BBX: variants seen among roughly 807,000 people sequenced by gnomAD.
BBX encodes HMG box transcription factor BBX.
In BBX, 30 loss-of-function variants were observed where a neutral mutation model predicts 100.2. The ratio of observed to expected loss-of-function variants is 0.30; its 90% confidence interval spans 0.22 to 0.41. The LOEUF (loss-of-function observed/expected upper bound fraction) is 0.41, where lower values mean the gene tolerates loss of function less well. Ranked by LOEUF, BBX falls within the 10% of genes least tolerant of loss-of-function variation. The pLI, the probability that BBX is intolerant of heterozygous loss-of-function variation, is 1.00. For synonymous variants in BBX, 376 were observed against 388.1 expected (o/e 0.97, Z 0.37); for missense variants, 1,023 against 1,129.8 (o/e 0.91, Z 1.35).
intron 10 of BBX, among the ~76,000 whole-genome samples, chr3:107,762,418 T>C (rs967449292): frequency 5.9e-5 from 9 of 152,272 alleles, no homozygotes; most frequent in African/African-American, 2.2e-4. Context: ...TGACCAGTTA[T>C]CTCTTATGAT....
intron 2 of BBX, among the ~76,000 whole-genome samples, chr3:107,555,435 C>T (rs2050025646): frequency 6.6e-6 from 1 of 152,124 alleles, no homozygotes; most frequent in African/African-American, 2.4e-5. Flanking sequence ...CCAGAAAAAG[C>T]TTGGAGAGTG....
chr3:107,616,552 T>A (rs1467771121), intron 2 of BBX, among the ~76,000 whole-genome samples: 1 of 152,170 alleles, frequency 6.6e-6, no homozygotes, highest in East Asian at 1.9e-4. Context: ...TTTTTGGTGC[T>A]ATCGTTTTTT....
chr3:107,643,747 A>G (rs2057358098), intron 2 of BBX, among the ~76,000 whole-genome samples: 1 of 152,164 alleles, frequency 6.6e-6, no homozygotes, highest in African/African-American at 2.4e-5. Flanking sequence ...TCTCTGAAAT[A>G]CTAGTGATTT....
chr3:107,790,660 C>T (rs2068920655), intron 14 of BBX, among the ~76,000 whole-genome samples: 1 of 152,174 alleles, frequency 6.6e-6, no homozygotes. Context: ...TTTAGCATCT[C>T]CCTGCATGTT....
At chr3:107,598,211 C>G (rs1350174472) in intron 2 of BBX, among the ~76,000 whole-genome samples, 1 of 152,046 alleles carries the variant, frequency 6.6e-6, no homozygotes, top group Non-Finnish European at 1.5e-5. Context: ...GTGTATGTGT[C>G]CCTTAAACTT....
chr3:107,598,705 G>A (rs1284339704), intron 2 of BBX, among the ~76,000 whole-genome samples: 3 of 152,152 alleles, frequency 2.0e-5, no homozygotes, highest in Non-Finnish European at 2.9e-5. Context: ...TAGAACCTAT[G>A]TCCCTTAACT....
chr3:107,782,711 T>C lies in BBX; in HGVS notation c.2203+4192T>C, dbSNP rs116018374. On this transcript the variant is annotated intron_variant, in intron 13 of 17. Transcript: ENST00000325805. ...TCTCTCGGCTTGTCATTTGGCCCTT[T>C]TGTTTTCTGCCCAGCTGTGAAGTTG... 7.1e-3 allele frequency among the ~76,000 whole-genome samples: 1,088 copies of C among 152,252 alleles called. 9 individuals are homozygous for C. The highest frequency in any genetic ancestry group is 0.013 in the Non-Finnish European group (877 of 67,986).
At chr3:107,768,292 T>C (rs1433182249) in intron 10 of BBX, among the ~76,000 whole-genome samples, 1 of 152,230 alleles carries the variant, frequency 6.6e-6, no homozygotes, top group Non-Finnish European at 1.5e-5. Context: ...AGTAAGAGAA[T>C]GCTGTTGGCA....
At chr3:107,742,841 T>A (rs1317422147) in intron 7 of BBX, among the ~76,000 whole-genome samples, 1 of 152,182 alleles carries the variant, frequency 6.6e-6, no homozygotes, top group East Asian at 1.9e-4. Context: ...TCCTAAAGAT[T>A]TGCAAACAGT....
intron 13 of BBX, among the ~76,000 whole-genome samples, chr3:107,787,310 G>A (rs527461030): frequency 3.9e-5 from 6 of 152,264 alleles, no homozygotes; most frequent in African/African-American, 1.2e-4. Context: ...ACTGTTGAAT[G>A]AATAAACAAT....
chr3:107,547,763 C>G (rs534306441), intron 2 of BBX, among the ~76,000 whole-genome samples: 1 of 152,102 alleles, frequency 6.6e-6, no homozygotes, highest in South Asian at 2.1e-4. Context: ...CTCTGCTCTC[C>G]TTCCTTCCCC....
intron 3 of BBX, among the ~76,000 whole-genome samples, chr3:107,688,459 C>A (rs2059973034): frequency 6.6e-6 from 1 of 152,128 alleles, no homozygotes; most frequent in Non-Finnish European, 1.5e-5. Context: ...GTGTCTTTGG[C>A]AGTGTGGATA....
intron 10 of BBX, among the ~76,000 whole-genome samples, chr3:107,761,038 G>A (rs1224551386): frequency 6.6e-6 from 1 of 152,108 alleles, no homozygotes; most frequent in Non-Finnish European, 1.5e-5. Context: ...TCCCTGCTGA[G>A]CCCTCAGTCT....
intron 5 of BBX, among the ~76,000 whole-genome samples, chr3:107,718,400 C>A (rs1348554319): frequency 3.3e-5 from 5 of 150,726 alleles, no homozygotes; most frequent in Non-Finnish European, 5.9e-5. Context: ...AATTTGAAAT[C>A]AATTACAGTA....
chr3:107,703,451 A>G (rs542207158), intron 3 of BBX, among the ~76,000 whole-genome samples: 50 of 152,200 alleles, frequency 3.3e-4, no homozygotes, highest in Non-Finnish European at 5.3e-4. Flanking sequence ...TCCCAAGGCT[A>G]AGTGTCGTGG....
At chr3:107,769,809 A>G (rs749317877) in intron 10 of BBX, among the ~76,000 whole-genome samples, 11 of 152,186 alleles carry the variant, frequency 7.2e-5, no homozygotes, top group Admixed American at 2.0e-4. Flanking sequence ...TCTCAGGAAT[A>G]CTGTAGTAAA....
At chr3:107,554,983 G>A (rs768867222) in intron 2 of BBX, among the ~76,000 whole-genome samples, 1 of 150,980 alleles carries the variant, frequency 6.6e-6, no homozygotes, top group Non-Finnish European at 1.5e-5. Flanking sequence ...CAGGAGAATC[G>A]CTTGAACCTG....
chr3:107,608,869 G>A (rs1166589778), intron 2 of BBX, among the ~76,000 whole-genome samples: 2 of 151,858 alleles, frequency 1.3e-5, no homozygotes, highest in Admixed American at 6.6e-5. Context: ...CAGATTGTTC[G>A]CATATAGAAA....
At chr3:107,737,894 T>TTTTTTTTG (rs1560069871) in intron 7 of BBX, among the ~76,000 whole-genome samples, 6 of 131,312 alleles carry the variant, frequency 4.6e-5, no homozygotes, top group Non-Finnish European at 1.0e-4. Context: ...GTTTTTTTTT[T>TTTTTTTTG]TTTTTTTTTT....
Sources: allele counts gnomAD v4.1 joint callset (sites outside exome capture counted in the v4.1 genomes callset), GRCh38; gene constraint gnomAD v4.1.1; transcripts MANE v1.5; gene names NCBI Gene and HGNC (gene_info 2026-07-23, HGNC 2026-07-21).